SMYD3: variants seen among roughly 807,000 people sequenced by gnomAD.
SMYD3 encodes the protein SET and MYND domain containing 3, also known as histone-lysine N-methyltransferase SMYD3.
A neutral mutation model predicts 57.7 loss-of-function variants in SMYD3; 36 were observed. That is an observed-to-expected ratio of 0.62 (90% CI 0.48 to 0.82). The LOEUF (loss-of-function observed/expected upper bound fraction) is 0.82, where lower values mean the gene tolerates loss of function less well. Among genes scored for constraint, SMYD3 ranks in the 40% least tolerant of loss-of-function variants. SMYD3 has a pLI of 0.00. For missense variants in SMYD3, 515 were observed against 538.8 expected (o/e 0.96, Z 0.44); for synonymous variants, 211 against 195.0 (o/e 1.08, Z -0.68).
intron 5 of SMYD3, among the ~76,000 whole-genome samples, chr1:246,098,234 A>G (rs1444834339): frequency 6.6e-6 from 1 of 152,136 alleles, no homozygotes; most frequent in Non-Finnish European, 1.5e-5. Context: ...AAAACTACTA[A>G]CCTTCACATT....
At chr1:246,111,052 G>A (rs548140262) in intron 5 of SMYD3, among the ~76,000 whole-genome samples, 1 of 152,148 alleles carries the variant, frequency 6.6e-6, no homozygotes, top group South Asian at 2.1e-4. Flanking sequence ...GAAATGACAG[G>A]TGAGCCTTAC....
At chr1:245,894,943 G>C (rs1445072365) in intron 8 of SMYD3, among the ~76,000 whole-genome samples, 1 of 152,240 alleles carries the variant, frequency 6.6e-6, no homozygotes, top group Non-Finnish European at 1.5e-5. Flanking sequence ...CCACGTGAAG[G>C]AGCCTGGTGA....
intron 8 of SMYD3, among the ~76,000 whole-genome samples, chr1:245,880,341 T>C (rs149091686): frequency 4.4e-4 from 67 of 152,336 alleles, no homozygotes; most frequent in African/African-American, 1.5e-3. Context: ...GCTATCTGGT[T>C]AGGATGAGAA....
chr1:246,456,703 C>A (rs1225123139), intron 1 of SMYD3, among the ~76,000 whole-genome samples: 1 of 152,196 alleles, frequency 6.6e-6, no homozygotes, highest in Non-Finnish European at 1.5e-5. Context: ...GAAGAACCCA[C>A]AAATGAGTGG....
At chr1:246,491,943 G>A (rs141110209) in intron 1 of SMYD3, among the ~76,000 whole-genome samples, 5 of 152,276 alleles carry the variant, frequency 3.3e-5, no homozygotes, top group South Asian at 4.1e-4. Context: ...TTCAACTACC[G>A]ATGTGCTCCC....
chr1:246,359,872 T>C (rs192850253), intron 1 of SMYD3, among the ~76,000 whole-genome samples: 17 of 152,258 alleles, frequency 1.1e-4, no homozygotes, highest in Admixed American at 9.2e-4. Flanking sequence ...CAGGGAAAAG[T>C]TGAAATCATT....
At chr1:245,934,348 T>A (rs1359778914) in intron 5 of SMYD3, among the ~76,000 whole-genome samples, 1 of 151,216 alleles carries the variant, frequency 6.6e-6, no homozygotes, top group Non-Finnish European at 1.5e-5. Context: ...CTAGAACTAA[T>A]ATTTCTCTAA....
In SMYD3 at chr1:245,854,648, C is replaced by T. The variant is rs945953444; in HGVS notation, c.1076+3848G>A. Reference sequence around the variant, plus strand: ...CTAAGGAGGACCTTTGGCTTGGCTTCCCTTCCTTTTCTCTAATCCCCACTC... The same window carrying T: ...CTAAGGAGGACCTTTGGCTTGGCTTTCCTTCCTTTTCTCTAATCCCCACTC... On this transcript the variant is annotated intron_variant, in intron 10 of 11. Transcript: ENST00000490107. Among the ~76,000 whole-genome samples, 17 of 152,022 alleles carry T rather than the reference C, an allele frequency of 1.1e-4. 1 individual carries two copies.
At chr1:246,317,784 T>C (rs2065187971) in intron 5 of SMYD3, among the ~76,000 whole-genome samples, 1 of 152,158 alleles carries the variant, frequency 6.6e-6, no homozygotes, top group African/African-American at 2.4e-5. Context: ...AAGAAGCAGC[T>C]ACCACAGAGA....
intron 5 of SMYD3, among the ~76,000 whole-genome samples, chr1:246,283,697 G>A (rs563309039): frequency 2.6e-5 from 4 of 152,140 alleles, no homozygotes; most frequent in Non-Finnish European, 5.9e-5. Context: ...TTGCCACAGC[G>A]ATAACATCTA....
Position 246,151,359 on chromosome 1 carries a change from A to T in SMYD3, c.531+175842T>A, listed in dbSNP as rs111372541. 1.6e-3 allele frequency among the ~76,000 whole-genome samples: 238 copies of T among 152,206 alleles called. 1 individual carries two copies. Among genetic ancestry groups the T allele is most frequent in the African/African-American group, 5.3e-3 (219 of 41,542 alleles). The stretch of plus-strand genomic sequence containing the variant: ...AGATGGACTTCCTGTTAGATAATGA[A>T]TCTAACTCCCTTTTTTTTTGATATG... On this transcript the variant is annotated intron_variant, in intron 5 of 11. Transcript: ENST00000490107.
At chr1:245,906,929 A>G (rs1305406506) in intron 8 of SMYD3, among the ~76,000 whole-genome samples, 2 of 152,244 alleles carry the variant, frequency 1.3e-5, no homozygotes, top group African/African-American at 4.8e-5. Context: ...GTGGTATCTA[A>G]GAAAAATCAC....
intron 5 of SMYD3, chr1:245,947,269 G>C (rs1243421840): frequency 2.4e-6 from 1 of 420,788 alleles, no homozygotes. Flanking sequence ...AAAAGAGCAA[G>C]TAGCTAAAGG....
chr1:246,487,281 T>A (rs1022718384), intron 1 of SMYD3, among the ~76,000 whole-genome samples: 6 of 152,008 alleles, frequency 3.9e-5, no homozygotes, highest in African/African-American at 1.4e-4. Context: ...ACCCCATCTC[T>A]ACTTAAAATA....
intron 5 of SMYD3, among the ~76,000 whole-genome samples, chr1:245,997,929 G>A (rs957063206): frequency 1.6e-4 from 25 of 152,204 alleles, no homozygotes; most frequent in African/African-American, 5.8e-4. Flanking sequence ...AAGAGGTCAC[G>A]GATAGGCACT....
chr1:245,872,615 A>T (rs1478130143), intron 8 of SMYD3, among the ~76,000 whole-genome samples: 2 of 152,318 alleles, frequency 1.3e-5, no homozygotes, highest in African/African-American at 2.4e-5. Flanking sequence ...TGAGGAGAAG[A>T]AGTCATCAAA....
At chr1:245,914,492 C>T (rs533969320) in intron 8 of SMYD3, among the ~76,000 whole-genome samples, 1 of 152,228 alleles carries the variant, frequency 6.6e-6, no homozygotes, top group African/African-American at 2.4e-5. Flanking sequence ...CTAGAGGACA[C>T]TATGTTAAGC....
At position 245,965,768 on chromosome 1, in the gene SMYD3, G is replaced by A. The variant is rs557592412; in HGVS notation, c.532-35831C>T. On this transcript the variant is annotated intron_variant, in intron 5 of 11. Coordinates refer to ENST00000490107, the MANE Select transcript of SMYD3 (RefSeq NM_001167740.2). ...AACAGGTGGAACATGAAAGATTTTG[G>A]GGGCAGTGAAAAAAGTCTGTATGAC... Among the ~76,000 whole-genome samples, 6 of 152,272 alleles carry A rather than the reference G, an allele frequency of 3.9e-5. No individual in the cohort carries two copies. The South Asian group carries it at 1.2e-3, about 32-fold the overall frequency.
chr1:246,488,414 G>A (rs2068220208), intron 1 of SMYD3, among the ~76,000 whole-genome samples: 1 of 152,224 alleles, frequency 6.6e-6, no homozygotes, highest in East Asian at 1.9e-4. Context: ...TTTAGGCTGG[G>A]CGTGGTGGCT....
Sources: allele counts gnomAD v4.1 joint callset (sites outside exome capture counted in the v4.1 genomes callset), GRCh38; gene constraint gnomAD v4.1.1; transcripts MANE v1.5; gene names NCBI Gene and HGNC (gene_info 2026-07-23, HGNC 2026-07-21).